The following CLSTN2 variants were observed in gnomAD, a reference collection of about 807,000 sequenced individuals.
CLSTN2 encodes the protein calsyntenin 2, also known as calsyntenin-2.
In CLSTN2, 48 loss-of-function variants were observed where a neutral mutation model predicts 101.2. That is an observed-to-expected ratio of 0.47 (90% CI 0.38 to 0.60). CLSTN2 has a LOEUF of 0.60. CLSTN2 is among the 20% of genes least tolerant of loss of function. The pLI is 0.00. For synonymous variants in CLSTN2, 481 were observed against 463.6 expected, an observed-to-expected ratio of 1.04 and a Z score of -0.48; for missense variants, 1,160 against 1,238.2, an observed-to-expected ratio of 0.94 and a Z score of 0.95.
chr3:140,338,285 G>A (rs569806775), intron 2 of CLSTN2, among the ~76,000 whole-genome samples: 21 of 152,138 alleles, frequency 1.4e-4, no homozygotes, highest in Admixed American at 5.2e-4. Context: ...TTTCTGCTCC[G>A]TACTGCAGCC....
intron 2 of CLSTN2, among the ~76,000 whole-genome samples, chr3:140,228,020 C>A (rs2086338586): frequency 1.3e-5 from 2 of 152,210 alleles, no homozygotes; most frequent in African/African-American, 4.8e-5. Flanking sequence ...ACATTTCCCC[C>A]CTTGTCTTGG....
At chr3:140,108,721 G>GT (rs1276624131) in intron 1 of CLSTN2, among the ~76,000 whole-genome samples, 56 of 152,186 alleles carry the variant, frequency 3.7e-4, no homozygotes, top group African/African-American at 1.3e-3. Flanking sequence ...ATTTTGTTTT[G>GT]TTTTGTTGTA....
chr3:140,501,653 C>T (rs998508512), intron 8 of CLSTN2, among the ~76,000 whole-genome samples: 1 of 149,946 alleles, frequency 6.7e-6, no homozygotes, highest in East Asian at 2.0e-4. Context: ...AGGCCCTCCC[C>T]CATCCCACAG....
intron 8 of CLSTN2, among the ~76,000 whole-genome samples, chr3:140,504,353 T>C (rs1017664658): frequency 3.3e-5 from 5 of 152,114 alleles, no homozygotes; most frequent in Non-Finnish European, 7.4e-5. Flanking sequence ...TCAAGGAATA[T>C]TTTTCTCATG....
chr3:140,088,880 G>C (rs1316478650), intron 1 of CLSTN2, among the ~76,000 whole-genome samples: 1 of 152,126 alleles, frequency 6.6e-6, no homozygotes, highest in African/African-American at 2.4e-5. Context: ...TAAAAATTTA[G>C]TTGAATAATT....
chr3:139,981,878 A>G (rs1935929588), intron 1 of CLSTN2, among the ~76,000 whole-genome samples: 1 of 152,220 alleles, frequency 6.6e-6, no homozygotes. Context: ...AATCACAGGT[A>G]GAGAAGGAAA....
chr3:140,149,931 A>C (rs911145740), intron 1 of CLSTN2, among the ~76,000 whole-genome samples: 1 of 152,202 alleles, frequency 6.6e-6, no homozygotes, highest in Non-Finnish European at 1.5e-5. Flanking sequence ...GTTCGTGACA[A>C]GTAGGTATCT....
intron 1 of CLSTN2, among the ~76,000 whole-genome samples, chr3:139,966,861 T>A (rs914368924): frequency 1.3e-5 from 2 of 152,160 alleles, no homozygotes; most frequent in Admixed American, 1.3e-4. Context: ...TGAGGTCCTA[T>A]GCTGATGACC....
intron 12 of CLSTN2, among the ~76,000 whole-genome samples, chr3:140,559,562 G>T (rs563965306): frequency 1.3e-5 from 2 of 151,814 alleles, no homozygotes; most frequent in East Asian, 1.9e-4. Context: ...CGGGGGTCAG[G>T]GGGGCGGGGA....
chr3:140,424,525 C>T (rs2088542953), intron 5 of CLSTN2, among the ~76,000 whole-genome samples: 1 of 152,200 alleles, frequency 6.6e-6, no homozygotes, highest in Non-Finnish European at 1.5e-5. Flanking sequence ...GGAAGTTCAC[C>T]TTTCTCCAGG....
At chr3:140,522,166 T>A (rs1935044070) in intron 8 of CLSTN2, among the ~76,000 whole-genome samples, 1 of 152,268 alleles carries the variant, frequency 6.6e-6, no homozygotes, top group Non-Finnish European at 1.5e-5. Flanking sequence ...CCCAGGTGGC[T>A]GTCGCCCCAG....
intron 2 of CLSTN2, among the ~76,000 whole-genome samples, chr3:140,212,418 T>C (rs963059926): frequency 1.3e-5 from 2 of 152,174 alleles, no homozygotes; most frequent in African/African-American, 4.8e-5. Context: ...AATCTGCATA[T>C]AGATAATTAC....
chr3:140,145,513 G>A (rs764859422), intron 1 of CLSTN2, among the ~76,000 whole-genome samples: 2 of 152,188 alleles, frequency 1.3e-5, no homozygotes, highest in Non-Finnish European at 2.9e-5. Context: ...CTGAATCATT[G>A]GAATAAGAAG....
chr3:140,247,704 G>T lies in CLSTN2; in HGVS notation c.232+71631G>T, dbSNP rs190104742. 1.0e-3 allele frequency among the ~76,000 whole-genome samples: 155 copies of T among 152,268 alleles called. 1 individual carries two copies. Among genetic ancestry groups the T allele is most frequent in the Middle Eastern group, 3.4e-3 (1 of 294 alleles). On this transcript the variant is annotated intron_variant, in intron 2 of 16. Transcript: ENST00000458420. Reference sequence around the variant, plus strand: ...GGCGGCCATCTAACAGAGTGTGAGGGCAGTGTGGGGGGCTCATCAACAGTA... The same window carrying T: ...GGCGGCCATCTAACAGAGTGTGAGGTCAGTGTGGGGGGCTCATCAACAGTA...
At chr3:140,213,488 C>T (rs905337316) in intron 2 of CLSTN2, among the ~76,000 whole-genome samples, 12 of 152,192 alleles carry the variant, frequency 7.9e-5, no homozygotes, top group African/African-American at 2.9e-4. Context: ...AAGCTGAGAA[C>T]CCAGGCCTTC....
chr3:140,234,326 T>C (rs997769635), intron 2 of CLSTN2, among the ~76,000 whole-genome samples: 1 of 152,206 alleles, frequency 6.6e-6, no homozygotes, highest in Non-Finnish European at 1.5e-5. Flanking sequence ...GACGACACTC[T>C]GAGTTCCCAG....
At chr3:140,196,525 T>C (rs1264412841) in intron 2 of CLSTN2, among the ~76,000 whole-genome samples, 1 of 152,216 alleles carries the variant, frequency 6.6e-6, no homozygotes. Context: ...GATATACCCA[T>C]GAAGTCTCCA....
intron 1 of CLSTN2, among the ~76,000 whole-genome samples, chr3:140,158,390 C>T (rs1308704847): frequency 6.6e-6 from 1 of 151,068 alleles, no homozygotes; most frequent in Non-Finnish European, 1.5e-5. Context: ...AGTAGAATTT[C>T]CATATACCAA....
chr3:140,145,232 A>G (rs1477399387), intron 1 of CLSTN2, among the ~76,000 whole-genome samples: 1 of 152,236 alleles, frequency 6.6e-6, no homozygotes, highest in East Asian at 1.9e-4. Flanking sequence ...AGCTCAGGCT[A>G]TGTCTTCAGA....
Sources: allele counts gnomAD v4.1 joint callset (sites outside exome capture counted in the v4.1 genomes callset), GRCh38; gene constraint gnomAD v4.1.1; transcripts MANE v1.5; gene names NCBI Gene and HGNC (gene_info 2026-07-23, HGNC 2026-07-21).